FLT1: variants seen among roughly 807,000 people sequenced by gnomAD.
FLT1 encodes fms related receptor tyrosine kinase 1, also known as vascular endothelial growth factor receptor 1.
Under a neutral mutation model 156.3 loss-of-function variants are expected in FLT1, and 49 were observed. That is an observed-to-expected ratio of 0.31 (90% CI 0.25 to 0.40). The LOEUF (loss-of-function observed/expected upper bound fraction) is 0.40, where lower values mean the gene tolerates loss of function less well. FLT1 is among the 10% of genes least tolerant of loss of function. FLT1 has a pLI of 1.00. For synonymous variants in FLT1, 594 were observed against 583.8 expected, an observed-to-expected ratio of 1.02 and a Z score of -0.25; for missense variants, 1,322 against 1,637.2, an observed-to-expected ratio of 0.81 and a Z score of 3.32.
At chr13:28,441,988 G>A (rs557586197) in intron 3 of FLT1, among the ~76,000 whole-genome samples, 43 of 152,064 alleles carry the variant, frequency 2.8e-4, no homozygotes, top group Non-Finnish European at 5.4e-4. Context: ...TGATTTACCT[G>A]AGTTTCATCC....
chr13:28,319,665 T>C, intron 23 of FLT1, 131 bp from the exon 24 acceptor site: 1 of 682,160 alleles, frequency 1.5e-6, no homozygotes, highest in Non-Finnish European at 2.7e-6. Context: ...TCTGGTTTCC[T>C]AACATAGAGA....
At position 28,457,177 on chromosome 13, in the gene FLT1, T is replaced by TAC. The variant is rs140180276; in HGVS notation, c.388+9724_388+9725dup. Reference sequence around the variant, plus strand: ...ACTGCTCTAGGAAAAAAAAAAATCATACACACACACACACACATAGACATG... The same window carrying TAC: ...ACTGCTCTAGGAAAAAAAAAAATCATACACACACACACACACACATAGACATG... On this transcript the variant is annotated intron_variant, in intron 3 of 29. Coordinates refer to ENST00000282397, the MANE Select transcript of FLT1 (RefSeq NM_002019.4). Among the ~76,000 whole-genome samples, 91 of 150,838 alleles carry TAC rather than the reference T, an allele frequency of 6.0e-4. 1 individual carries two copies. Among genetic ancestry groups the TAC allele is most frequent in the East Asian group, 1.7e-3 (9 of 5,150 alleles).
intron 14 of FLT1, among the ~76,000 whole-genome samples, chr13:28,358,731 C>T (rs181557126): frequency 6.6e-5 from 10 of 152,326 alleles, no homozygotes; most frequent in African/African-American, 2.4e-4. Context: ...CTCTCTCCCA[C>T]ACATGCTCAA....
Position 28,301,456 on chromosome 13 carries a change from T to G in FLT1, c.*1711A>C, listed in dbSNP as rs190047650. ...TCACTAGGGAATGTGCTGATGACGG[T>G]CCCATCTCTTCATACAGAGAGCCTT... On this transcript the variant is annotated 3_prime_UTR_variant, in exon 30 of 30. Coordinates refer to ENST00000282397, the MANE Select transcript of FLT1 (RefSeq NM_002019.4). 127 of 233,106 alleles carry G rather than the reference T, an allele frequency of 5.4e-4. No individual in the cohort carries two copies. In the East Asian group the frequency reaches 7.7e-3, roughly 14 times the overall value. The allele number at this position is 233,106 out of a possible 1,614,324, so 14.4% of individuals were successfully genotyped here. A position where few individuals can be genotyped will look rare whatever the true frequency, so the allele number is the denominator to read the frequency against.
intron 27 of FLT1, 103 bp from the exon 28 acceptor site, chr13:28,309,030 A>G: frequency 1.4e-6 from 1 of 720,980 alleles, no homozygotes; most frequent in Non-Finnish European, 2.5e-6. Context: ...GAACCAACAC[A>G]CCAACAGGAA....
rs182416082 is a variant in FLT1, at chr13:28,399,272, T to C, written c.1552-2204A>G. 3.3e-4 allele frequency among the ~76,000 whole-genome samples: 50 copies of C among 152,296 alleles called. 1 individual carries two copies. The Middle Eastern group carries it at 0.014, about 41-fold the overall frequency. ...GGGTGTCAGCTCCAGCACTGTTTTTTTTATGAAGTTAGTTCTCAAGTGTTT... is the reference window on the plus strand; with the variant it reads ...GGGTGTCAGCTCCAGCACTGTTTTTCTTATGAAGTTAGTTCTCAAGTGTTT... On this transcript the variant is annotated intron_variant, in intron 11 of 29. Coordinates refer to ENST00000282397, the MANE Select transcript of FLT1 (RefSeq NM_002019.4).
intron 13 of FLT1, chr13:28,389,548 G>C: frequency 7.0e-7 from 1 of 1,431,734 alleles, no homozygotes; most frequent in Non-Finnish European, 9.1e-7. Flanking sequence ...CGGCCTGAAT[G>C]GGGGGCCCAG....
intron 1 of FLT1, among the ~76,000 whole-genome samples, chr13:28,474,897 C>G (rs879595379): frequency 6.6e-6 from 1 of 152,144 alleles, no homozygotes; most frequent in Non-Finnish European, 1.5e-5. Flanking sequence ...AAAAACCCAG[C>G]AACTGATGAC....
chr13:28,427,214 G>C lies in FLT1; in HGVS notation c.1381C>G (p.Gln461Glu). Residue 461 changes from glutamine to glutamate, a missense_variant, in exon 10 of 30, where the codon CAA (glutamine) becomes GAA (glutamate). This residue lies in a region of FLT1 where 991 missense variants were observed against 1,254.8 expected (regional missense o/e 0.79). Transcript: ENST00000282397. The stretch of plus-strand genomic sequence containing the variant: ...TGCCAGAACCACTTGATTGTAGGTT[G>C]AGGGATACCATATGCGGTACAAGTC... ...ILTCTAYGIPQPTIKWFWHPC... is the reference protein window; with the variant it reads ...ILTCTAYGIPEPTIKWFWHPC... 6.2e-7 allele frequency: 1 copy of C among 1,614,046 alleles called. No homozygotes were observed. The highest frequency in any genetic ancestry group is 1.1e-5 in the South Asian group (1 of 91,084).
Position 28,311,983 on chromosome 13 carries a change from T to A in FLT1, c.3492+10A>T. ...CAAAGGCATTTTGATGTAAATAAATTTAGTTTTACCTGTTGTACATTTGCT... is the reference window on the plus strand; with the variant it reads ...CAAAGGCATTTTGATGTAAATAAATATAGTTTTACCTGTTGTACATTTGCT... On this transcript the variant is annotated intron_variant, in intron 26 of 29. Coordinates refer to ENST00000282397, the MANE Select transcript of FLT1 (RefSeq NM_002019.4). 6.4e-7 allele frequency: 1 copy of A among 1,573,406 alleles called. No individual in the cohort carries two copies. The highest frequency in any genetic ancestry group is 1.3e-5 in the African/African-American group (1 of 74,214).
intron 18 of FLT1, among the ~76,000 whole-genome samples, chr13:28,330,189 T>A (rs1365057104): frequency 2.6e-5 from 4 of 152,228 alleles, no homozygotes. Flanking sequence ...GTTGTAAACA[T>A]CTTTGCAATG....
chr13:28,313,329 T>A (rs1469704922), intron 25 of FLT1, among the ~76,000 whole-genome samples: 1 of 152,230 alleles, frequency 6.6e-6, no homozygotes, highest in Non-Finnish European at 1.5e-5. Flanking sequence ...CTTGGTCATG[T>A]CTGCACGGAA....
rs533778588 is a variant in FLT1, at chr13:28,399,138, G to A, written c.1552-2070C>T. 458 of 1,512,232 alleles carry A rather than the reference G, an allele frequency of 3.0e-4. 4 individuals carry two copies. The South Asian group carries it at 3.7e-3, about 12-fold the overall frequency. The allele number at this position is 1,512,232 out of a possible 1,614,324, so 93.7% of individuals were successfully genotyped here. ...TGGAAGCTGGAAGACAGGAGAGATC[G>A]TCAAATACGACTCTGACTCCCTTAC... On this transcript the variant is annotated intron_variant, in intron 11 of 29. Transcript: ENST00000282397.
At chr13:28,324,527 G>T (rs1190221225) in intron 20 of FLT1, among the ~76,000 whole-genome samples, 1 of 152,210 alleles carries the variant, frequency 6.6e-6, no homozygotes, top group African/African-American at 2.4e-5. Context: ...AGGGAGGCAG[G>T]CCTCAGAGTG....
At position 28,375,356 on chromosome 13, in the gene FLT1, T is replaced by C. The variant is rs568409718; in HGVS notation, c.2116+9529A>G. Among the ~76,000 whole-genome samples the C allele has an allele frequency of 2.0e-5, 3 of 151,044 alleles. No homozygotes were observed. The East Asian group carries it at 5.9e-4, about 30-fold the overall frequency. ...CAAACATTAACAAGTAATTGCAGAA[T>C]TGCAGAAAGCGCATAAAGCAACATT... On this transcript the variant is annotated intron_variant, in intron 14 of 29. Coordinates refer to ENST00000282397, the MANE Select transcript of FLT1 (RefSeq NM_002019.4).
chr13:28,482,685 C>G (rs112572252), intron 1 of FLT1, among the ~76,000 whole-genome samples: 1 of 152,078 alleles, frequency 6.6e-6, no homozygotes, highest in Non-Finnish European at 1.5e-5. Flanking sequence ...TAACAACAAC[C>G]AAGCAAACTT....
rs1555232433 is a variant in FLT1, at chr13:28,372,566, G to GTATACA, written c.2116+12318_2116+12319insTGTATA. Among the ~76,000 whole-genome samples the GTATACA allele has an allele frequency of 3.1e-4, 28 of 91,458 alleles. 3 individuals are homozygous for GTATACA. In the Admixed American group the frequency reaches 3.2e-3, roughly 10 times the overall value. The allele number at this position is 91,458 out of a possible 152,430, so 60.0% of individuals were successfully genotyped here. Reference sequence around the variant, plus strand: ...CATATATTCCTCGTTTAAATAAAATGTATATATATATATATATATATATAT... The same window carrying GTATACA: ...CATATATTCCTCGTTTAAATAAAATGTATACATATATATATATATATATATATATAT... On this transcript the variant is annotated intron_variant, in intron 14 of 29. Transcript: ENST00000282397.
chr13:28,320,038 T>C (rs1248370857), intron 23 of FLT1, among the ~76,000 whole-genome samples: 2 of 152,124 alleles, frequency 1.3e-5, no homozygotes, highest in East Asian at 3.9e-4. Context: ...AAGAAGTCAG[T>C]GTTGAAAGAG....
chr13:28,386,853 G>A lies in FLT1; in HGVS notation c.1970-1822C>T, dbSNP rs540620256. 141 of 1,050,120 alleles carry A rather than the reference G, an allele frequency of 1.3e-4. No individual in the cohort carries two copies. The African/African-American group carries it at 2.3e-3, about 17-fold the overall frequency. 65.1% of individuals were successfully genotyped at this position (1,050,120 alleles called of 1,614,324 possible). ...TTTGAAATATCTCATTTAAAACTCA[G>A]ACCCAATTCACTGAGTTATACTTTT... is the stretch of plus-strand genomic sequence containing the variant. On this transcript the variant is annotated intron_variant, in intron 13 of 29. Transcript: ENST00000282397.
Sources: gnomAD v4.1 joint callset for allele counts (sites outside exome capture counted in the v4.1 genomes callset) on GRCh38, gnomAD v4.1.1 for gene constraint, gnomAD v4.1.1 regional missense constraint, MANE v1.5 for transcripts, NCBI Gene and HGNC (gene_info 2026-07-23, HGNC 2026-07-21) for gene names.